WWC1: variants seen among roughly 807,000 people sequenced by gnomAD.
WWC1 encodes the protein protein KIBRA.
In WWC1, 55 loss-of-function variants were observed where a neutral mutation model predicts 138.4. That is an observed-to-expected ratio of 0.40 (90% CI 0.32 to 0.50). WWC1 has a LOEUF of 0.50. Ranked by LOEUF, WWC1 falls within the 20% of genes least tolerant of loss-of-function variation. The probability of loss-of-function intolerance (pLI) is 0.72; values close to 1 mark genes in which losing one functional copy is unlikely to be tolerated. For missense variants in WWC1, 1,226 were observed against 1,420.4 expected (o/e 0.86, Z 2.20); for synonymous variants, 524 against 564.9 (o/e 0.93, Z 1.03).
chr5:168,349,898 C>T (rs1422085847), intron 1 of WWC1, among the ~76,000 whole-genome samples: 1 of 152,164 alleles, frequency 6.6e-6, no homozygotes, highest in Non-Finnish European at 1.5e-5. Flanking sequence ...AATAACACTC[C>T]ACCTTTCACC....
At position 168,437,019 on chromosome 5, in the gene WWC1, T is replaced by C. The variant is rs369878799; in HGVS notation, c.2281-4663T>C. Among the ~76,000 whole-genome samples, 8 of 151,672 alleles carry C rather than the reference T, an allele frequency of 5.3e-5. No individual in the cohort carries two copies. The East Asian group carries it at 7.7e-4, about 15-fold the overall frequency. On this transcript the variant is annotated intron_variant, in intron 15 of 22. Transcript: ENST00000265293. ...AGGCCCCTTGGGATTTGGCCACTTATTAAAATCTCTGGGATTATATCCCCA... is the reference window on the plus strand; with the variant it reads ...AGGCCCCTTGGGATTTGGCCACTTACTAAAATCTCTGGGATTATATCCCCA...
chr5:168,399,291 CTGAA>C (rs1456873239), intron 4 of WWC1, among the ~76,000 whole-genome samples, 193 bp from the exon 5 acceptor site: 1 of 152,182 alleles, frequency 6.6e-6, no homozygotes, highest in African/African-American at 2.4e-5. Flanking sequence ...GGGATGCTGA[CTGAA>C]TGGGCATCTG....
At chr5:168,426,805 T>A (rs1438386314) in intron 11 of WWC1, among the ~76,000 whole-genome samples, 3 of 152,258 alleles carry the variant, frequency 2.0e-5, no homozygotes, top group Admixed American at 2.0e-4. Flanking sequence ...TGCTCCGGTC[T>A]GCCCGCAGGT....
intron 1 of WWC1, among the ~76,000 whole-genome samples, chr5:168,315,556 ACTGTGTTTT>A (rs1771512162): frequency 6.6e-6 from 1 of 151,924 alleles, no homozygotes; most frequent in Admixed American, 6.6e-5. Flanking sequence ...GTAGGGGCCC[ACTGTGTTTT>A]CTCCTAATAT....
chr5:168,465,874 A>G (rs1757254851), intron 21 of WWC1, among the ~76,000 whole-genome samples: 1 of 152,098 alleles, frequency 6.6e-6, no homozygotes, highest in South Asian at 2.1e-4. Context: ...GCGCTTTGAC[A>G]GGTTTGCATG....
rs529312962 is a variant in WWC1 at position 168,455,155 on chromosome 5, G to T, written c.2659-201G>T. ...AACCACACGTGCCACGGAGGGGTAG[G>T]GGTCGGCACACCTAGCCTTGGGTAC... is the stretch of plus-strand genomic sequence containing the variant. On this transcript the variant is annotated intron_variant, in intron 18 of 22. Transcript: ENST00000265293. Among the ~76,000 whole-genome samples, 12 of 152,308 alleles carry T rather than the reference G, an allele frequency of 7.9e-5. No individual in the cohort carries two copies. In the South Asian group the frequency reaches 2.5e-3, roughly 32 times the overall value.
At chr5:168,344,928 T>C (rs562400954) in intron 1 of WWC1, among the ~76,000 whole-genome samples, 2 of 152,234 alleles carry the variant, frequency 1.3e-5, no homozygotes, top group East Asian at 3.9e-4. Context: ...TTGAACAAAG[T>C]GTTGATTTAT....
At chr5:168,301,630 C>T (rs1314416741) in intron 1 of WWC1, among the ~76,000 whole-genome samples, 1 of 139,804 alleles carries the variant, frequency 7.2e-6, no homozygotes, top group African/African-American at 2.7e-5. Flanking sequence ...AAGAGCAAAA[C>T]TTCGTCTCAA....
chr5:168,292,722 AAGACCCC>A lies in WWC1; in HGVS notation c.119+454_119+460del. Among the ~76,000 whole-genome samples the A allele has an allele frequency of 6.6e-6, 1 of 152,222 alleles. No individual in the cohort carries two copies. Among genetic ancestry groups the A allele is most frequent in the Non-Finnish European group, 1.5e-5 (1 of 67,986 alleles). On this transcript the variant is annotated intron_variant, in intron 1 of 22. Transcript: ENST00000265293. This position sits in a 1 kb window ranked among gnomAD's most constrained non-coding sequence, Gnocchi z 4.4. ...AAGTGTCCGGTTAGAGGGGGTGGTCAAGACCCCAGGATTCCGTGGGAGACCACTGGAG... is the reference window on the plus strand; with the variant it reads ...AAGTGTCCGGTTAGAGGGGGTGGTCAAGGATTCCGTGGGAGACCACTGGAG...
At chr5:168,397,602 G>A in intron 3 of WWC1, 122 bp from the exon 4 acceptor site, 1 of 950,158 alleles carries the variant, frequency 1.1e-6, no homozygotes, top group South Asian at 1.5e-5. Flanking sequence ...CCCCTTTGTT[G>A]AACATTTAGG....
intron 2 of WWC1, among the ~76,000 whole-genome samples, chr5:168,380,527 A>G (rs1412738695): frequency 6.6e-6 from 1 of 152,140 alleles, no homozygotes; most frequent in East Asian, 1.9e-4. Flanking sequence ...AACAATACCA[A>G]CTGCTAGCAA....
At chr5:168,351,988 A>G (rs1775003005) in intron 1 of WWC1, among the ~76,000 whole-genome samples, 1 of 152,160 alleles carries the variant, frequency 6.6e-6, no homozygotes, top group Admixed American at 6.5e-5. Context: ...TGGTAGAAGC[A>G]GCAGATTCCG....
At chr5:168,418,439 G>A (rs952784950) in intron 9 of WWC1, among the ~76,000 whole-genome samples, 1 of 152,148 alleles carries the variant, frequency 6.6e-6, no homozygotes, top group African/African-American at 2.4e-5. Context: ...CTGAAATACA[G>A]CTTGTGGGGA....
chr5:168,466,308 C>T (rs945997250), intron 21 of WWC1, among the ~76,000 whole-genome samples: 3 of 152,060 alleles, frequency 2.0e-5, no homozygotes, highest in East Asian at 3.9e-4. Context: ...CAATATAGGA[C>T]CAATATAGGA....
chr5:168,314,890 GC>G (rs752926232), intron 1 of WWC1, among the ~76,000 whole-genome samples: 6 of 152,238 alleles, frequency 3.9e-5, no homozygotes, highest in Non-Finnish European at 7.3e-5. Flanking sequence ...TTAGGACACT[GC>G]CCTCGCCAGG....
At chr5:168,429,020 A>G (rs1049297628) in intron 13 of WWC1, among the ~76,000 whole-genome samples, 1 of 152,012 alleles carries the variant, frequency 6.6e-6, no homozygotes, top group Non-Finnish European at 1.5e-5. Flanking sequence ...GTTTTAAAAG[A>G]CCTTATGACT....
chr5:168,313,412 G>A (rs546478616), intron 1 of WWC1, among the ~76,000 whole-genome samples: 2 of 152,020 alleles, frequency 1.3e-5, no homozygotes, highest in Non-Finnish European at 1.5e-5. Flanking sequence ...CCAACATGGC[G>A]AAACCCCGTC....
chr5:168,382,114 C>T (rs1169538771), intron 2 of WWC1, among the ~76,000 whole-genome samples: 13 of 152,062 alleles, frequency 8.5e-5, no homozygotes, highest in Admixed American at 5.2e-4. Context: ...TATTTCCCAT[C>T]GAGGTCTGGT....
chr5:168,407,663 C>T (rs1162740891), intron 6 of WWC1, among the ~76,000 whole-genome samples: 1 of 152,168 alleles, frequency 6.6e-6, no homozygotes, highest in East Asian at 1.9e-4. Context: ...AGGTCCAAAT[C>T]TTGCCTCGGT....
Sources: allele counts gnomAD v4.1 joint callset (sites outside exome capture counted in the v4.1 genomes callset), GRCh38; gene constraint gnomAD v4.1.1; non-coding constraint Gnocchi (gnomAD v3.1); transcripts MANE v1.5; gene names NCBI Gene and HGNC (gene_info 2026-07-23, HGNC 2026-07-21).